The following YJU2B variants were observed in gnomAD, a reference collection of about 807,000 sequenced individuals.
The protein encoded by YJU2B is YJU2 splicing factor homolog B.
Under a neutral mutation model 38.0 loss-of-function variants are expected in YJU2B, and 18 were observed. The observed-to-expected ratio is 0.47, with a 90% CI of 0.33 to 0.70. The LOEUF (loss-of-function observed/expected upper bound fraction) is 0.70. Ranked by LOEUF, YJU2B falls within the 30% of genes least tolerant of loss-of-function variation. The probability of loss-of-function intolerance (pLI) is 0.02; values close to 1 mark genes in which losing one functional copy is unlikely to be tolerated. For synonymous variants in YJU2B, 246 were observed against 225.4 expected (o/e 1.09, Z -0.82); for missense variants, 538 against 556.3 (o/e 0.97, Z 0.33).
chr19:13,756,069 C>G, intron 3 of YJU2B, 128 bp from the exon 4 acceptor site: 1 of 731,862 alleles, frequency 1.4e-6, no homozygotes, highest in Middle Eastern at 2.3e-4. Flanking sequence ...AACACCCGTC[C>G]TGCAGGACAT....
rs957641119 is a variant in YJU2B at position 13,751,679 on chromosome 19, C to T, written c.-130C>T. ...TGAGCTGGCACCACCACACGGCCCA[C>T]GACATCTTCGCAGGGAAGCCTGTGG... On this transcript the variant is annotated 5_prime_UTR_variant, in exon 2 of 10. In the 5' UTR this introduces an upstream ATG that the reference lacks. Transcript: ENST00000221554. 13 of 974,172 alleles carry T rather than the reference C, an allele frequency of 1.3e-5. No individual in the cohort carries two copies. Among genetic ancestry groups the T allele is most frequent in the African/African-American group, 4.9e-5 (3 of 60,740 alleles). 60.3% of individuals were successfully genotyped at this position (974,172 alleles called of 1,614,324 possible).
At chr19:13,762,222 G>C in intron 8 of YJU2B, 77 bp from the exon 9 acceptor site, 1 of 1,511,720 alleles carries the variant, frequency 6.6e-7, no homozygotes, top group South Asian at 1.2e-5. Flanking sequence ...CCGAGAGTTG[G>C]AGCAGTGCCC....
chr19:13,741,604 C>A (rs1006284392), intron 2 of YJU2B, among the ~76,000 whole-genome samples: 1 of 151,006 alleles, frequency 6.6e-6, no homozygotes, highest in Non-Finnish European at 1.5e-5. Context: ...ATTAGCTAGG[C>A]ATGGTGCCTG....
At chr19:13,759,797 A>ATTTTTT (rs3059654) in intron 8 of YJU2B, among the ~76,000 whole-genome samples, 1 of 129,850 alleles carries the variant, frequency 7.7e-6, no homozygotes, top group African/African-American at 3.0e-5. Flanking sequence ...CGCCTGGCTA[A>ATTTTTT]TTTTTTTTTT....
rs113905210 is a variant in YJU2B, at chr19:13,741,393, T to G, written c.-202+9108T>G. Among the ~76,000 whole-genome samples, 1,418 of 151,904 alleles carry G rather than the reference T, an allele frequency of 9.3e-3. 19 individuals are homozygous for G. Among genetic ancestry groups the G allele is most frequent in the African/African-American group, 0.033 (1,354 of 41,392 alleles). ...TGATCTCAAACCCCTGACCTCATGATCGGCCCACCTCAGCCTCCCGAAGTG... is the reference window on the plus strand; with the variant it reads ...TGATCTCAAACCCCTGACCTCATGAGCGGCCCACCTCAGCCTCCCGAAGTG... On this transcript the variant is annotated intron_variant, in intron 2 of 10. Transcript: ENST00000586600.
chr19:13,751,612 G>T lies in YJU2B; in HGVS notation c.-197G>T. ...GGACTCTCTCTTTCTAAACAGACAC[G>T]CCGCTTTTTGGATGCCTCCTATGCC... On this transcript the variant is annotated 5_prime_UTR_variant, in exon 2 of 10. Transcript: ENST00000221554. 1 of 595,384 alleles carries T rather than the reference G, an allele frequency of 1.7e-6. No homozygotes were observed. Among genetic ancestry groups the T allele is most frequent in the Non-Finnish European group, 3.1e-6 (1 of 325,614 alleles). 36.9% of individuals were successfully genotyped at this position (595,384 alleles called of 1,614,324 possible). A position where few individuals can be genotyped will look rare whatever the true frequency, so the allele number is the denominator to read the frequency against.
At chr19:13,748,682 G>A (rs1973342254) in intron 1 of YJU2B, among the ~76,000 whole-genome samples, 1 of 152,096 alleles carries the variant, frequency 6.6e-6, no homozygotes, top group Non-Finnish European at 1.5e-5. Flanking sequence ...GTCGTCATTC[G>A]CCCTTTACCG....
At chr19:13,759,579 A>C (rs1041014408) in intron 8 of YJU2B, 4 of 220,242 alleles carry the variant, frequency 1.8e-5, no homozygotes, top group Non-Finnish European at 2.6e-5. Flanking sequence ...GTGAGACACC[A>C]CCCCCCCCCT....
At chr19:13,750,138 G>A (rs1405434226) in intron 1 of YJU2B, among the ~76,000 whole-genome samples, 3 of 152,184 alleles carry the variant, frequency 2.0e-5, no homozygotes, top group East Asian at 3.9e-4. Context: ...GTGACCTGCC[G>A]GGGGAGACAT....
intron 2 of YJU2B, among the ~76,000 whole-genome samples, chr19:13,752,141 G>A (rs1166831341): frequency 6.6e-6 from 1 of 151,960 alleles, no homozygotes; most frequent in Non-Finnish European, 1.5e-5. Context: ...TTTTAGTAGA[G>A]ACGGGGTTTT....
rs181701643 is a variant in YJU2B at position 13,757,768 on chromosome 19, C to G, written c.197-18C>G. 1.4e-5 allele frequency: 22 copies of G among 1,613,524 alleles called. No homozygotes were observed. In the South Asian group the frequency reaches 1.4e-4, roughly 10 times the overall value. On this transcript the variant is annotated intron_variant, in intron 5 of 9. Transcript: ENST00000221554. ...CAGATGGCAATGAAATTACCACCCC[C>G]GCCTGACCCCCTTCCAGGTGTTCGT...
chr19:13,759,373 T>G, intron 8 of YJU2B, 101 bp downstream of exon 8: 1 of 940,090 alleles, frequency 1.1e-6, no homozygotes, highest in Non-Finnish European at 1.6e-6. Flanking sequence ...CAGGCCACTG[T>G]ACCCTCTGAG....
In YJU2B at chr19:13,763,220, G is replaced by T; in HGVS notation, c.*152G>T. 1.7e-6 allele frequency: 1 copy of T among 602,124 alleles called. No homozygotes were observed. The highest frequency in any genetic ancestry group is 2.8e-6 in the Non-Finnish European group (1 of 351,230). The allele number at this position is 602,124 out of a possible 1,614,324, so 37.3% of individuals were successfully genotyped here. A position where few individuals can be genotyped will look rare whatever the true frequency, so the allele number is the denominator to read the frequency against. ...GACCGCGCCTTCCTGCAACCGTGGA[G>T]TTATTTATTTGGTCCTGGTGAGGGT... On this transcript the variant is annotated 3_prime_UTR_variant, in exon 10 of 10. Transcript: ENST00000221554.
chr19:13,745,063 A>G (rs1973195611), upstream of YJU2B, among the ~76,000 whole-genome samples: 3 of 152,118 alleles, frequency 2.0e-5, no homozygotes, highest in Admixed American at 2.0e-4. Flanking sequence ...CCAAAACAGT[A>G]TAGCTCAGAG....
intron 3 of YJU2B, among the ~76,000 whole-genome samples, chr19:13,754,594 G>A (rs1011254196): frequency 7.2e-5 from 11 of 152,054 alleles, no homozygotes; most frequent in South Asian, 2.1e-4. Context: ...AAGGCAGAGC[G>A]CACAGATGAA....
chr19:13,762,952 A>C lies in YJU2B; in HGVS notation c.1075A>C (p.Lys359Gln). ...GGGGCAGGAAGGGAGCCGTCAGGACAAGCCCCTGTCGCCAGCAGGCTCCTC... is the reference window on the plus strand; with the variant it reads ...GGGGCAGGAAGGGAGCCGTCAGGACCAGCCCCTGTCGCCAGCAGGCTCCTC... Reference protein sequence around the residue: ...PRGQEGSRQDKPLSPAGSSQE... With the variant: ...PRGQEGSRQDQPLSPAGSSQE... Residue 359 changes from lysine to glutamine, a missense_variant, in exon 10 of 10, where the codon AAG (lysine) becomes CAG (glutamine). Physicochemically the swap from Lys to Gln is moderately conservative, Grantham distance 53. This residue lies in a region of YJU2B where 488 missense variants were observed against 469.5 expected (regional missense o/e 1.04). Coordinates refer to ENST00000221554, the MANE Select transcript of YJU2B (RefSeq NM_030818.4). 2 of 1,612,036 alleles carry C rather than the reference A, an allele frequency of 1.2e-6. No homozygotes were observed. Among genetic ancestry groups the C allele is most frequent in the Non-Finnish European group, 1.7e-6 (2 of 1,179,746 alleles).
upstream of YJU2B, among the ~76,000 whole-genome samples, chr19:13,747,502 CTGT>C (rs1251563324): frequency 1.3e-5 from 2 of 152,172 alleles, no homozygotes; most frequent in Non-Finnish European, 2.9e-5. Context: ...CGGAGTCTTG[CTGT>C]TGTTGCCCAG....
intron 2 of YJU2B, among the ~76,000 whole-genome samples, chr19:13,733,657 G>A (rs2145070814): frequency 6.6e-6 from 1 of 152,250 alleles, no homozygotes; most frequent in South Asian, 2.1e-4. Flanking sequence ...GAAGGTGGAG[G>A]TTGTAGTGAG....
intron 2 of YJU2B, among the ~76,000 whole-genome samples, chr19:13,735,726 T>C (rs1481301900): frequency 6.6e-6 from 1 of 152,124 alleles, no homozygotes; most frequent in East Asian, 1.9e-4. Context: ...CAAGACACCC[T>C]GGGGTTTGCC....
Sources: gnomAD v4.1 joint callset for allele counts (sites outside exome capture counted in the v4.1 genomes callset) on GRCh38, gnomAD v4.1.1 for gene constraint, gnomAD v4.1.1 regional missense constraint, MANE v1.5 for transcripts, NCBI Gene and HGNC (gene_info 2026-07-23, HGNC 2026-07-21) for gene names.